The following SPAG17 variants were observed in gnomAD, a reference collection of about 807,000 sequenced individuals.
SPAG17 encodes the protein sperm-associated antigen 17.
In SPAG17, 169 loss-of-function variants were observed where a neutral mutation model predicts 273.6. That is an observed-to-expected ratio of 0.62 (90% CI 0.55 to 0.70). The LOEUF (loss-of-function observed/expected upper bound fraction) is 0.70, where lower values mean the gene tolerates loss of function less well. SPAG17 is among the 30% of genes least tolerant of loss of function. The pLI, the probability that SPAG17 is intolerant of heterozygous loss-of-function variation, is 0.00. For missense variants in SPAG17, 2,557 were observed against 2,627.8 expected (o/e 0.97, Z 0.59); for synonymous variants, 825 against 873.2 (o/e 0.94, Z 0.97).
chr1:118,129,489 C>T (rs545132371), intron 3 of SPAG17, among the ~76,000 whole-genome samples: 10 of 152,254 alleles, frequency 6.6e-5, no homozygotes, highest in South Asian at 4.2e-4. Flanking sequence ...TTCTGATATA[C>T]GCTAGATTTG....
Position 117,995,684 on chromosome 1 carries a change from A to G in SPAG17, c.5053+686T>C, listed in dbSNP as rs77173190. ...CAAAATGTATCCCAAAACACAGAAA[A>G]AAGATGAAATAACACACACACACAC... On this transcript the variant is annotated intron_variant, in intron 34 of 48. Transcript: ENST00000336338. 7.5e-3 allele frequency among the ~76,000 whole-genome samples: 1,080 copies of G among 144,618 alleles called. 14 individuals carry two copies. Among genetic ancestry groups the G allele is most frequent in the African/African-American group, 0.027 (1,016 of 38,318 alleles). 94.9% of individuals were successfully genotyped at this position (144,618 alleles called of 152,430 possible).
intron 4 of SPAG17, among the ~76,000 whole-genome samples, chr1:118,105,706 G>C (rs1385050204): frequency 6.6e-6 from 1 of 152,094 alleles, no homozygotes; most frequent in African/African-American, 2.4e-5. Context: ...TTAGAGAACA[G>C]GACATCTCAA....
rs371195732 is a variant in SPAG17 at position 118,081,382 on chromosome 1, A to G, written c.1990+33T>C. 6.6e-5 allele frequency: 107 copies of G among 1,612,024 alleles called. No individual in the cohort carries two copies. In the African/African-American group the frequency reaches 1.2e-3, roughly 18 times the overall value. The stretch of plus-strand genomic sequence containing the variant: ...AGAAAAATTGACGATCATAAAATAC[A>G]AGAATGCTTTCCATTCCCTCCATGC... On this transcript the variant is annotated intron_variant, in intron 14 of 48. Coordinates refer to ENST00000336338, the MANE Select transcript of SPAG17 (RefSeq NM_206996.4).
At chr1:118,163,745 C>A (rs1357630078) in intron 1 of SPAG17, among the ~76,000 whole-genome samples, 1 of 151,832 alleles carries the variant, frequency 6.6e-6, no homozygotes, top group Non-Finnish European at 1.5e-5. Flanking sequence ...CATAGTCAAA[C>A]TCCCCCAAAC....
chr1:118,086,376 T>C (rs1344433810), intron 12 of SPAG17, among the ~76,000 whole-genome samples: 2 of 152,190 alleles, frequency 1.3e-5, no homozygotes, highest in African/African-American at 4.8e-5. Flanking sequence ...TAGTTTTTCA[T>C]AGCAGCAGAT....
At chr1:118,133,094 C>T (rs992607533) in intron 3 of SPAG17, among the ~76,000 whole-genome samples, 3 of 152,132 alleles carry the variant, frequency 2.0e-5, no homozygotes, top group Admixed American at 6.5e-5. Flanking sequence ...TCTAACCCTT[C>T]GCTGACCACT....
In SPAG17 at chr1:118,099,618, G is replaced by C. The variant is rs983109331; in HGVS notation, c.817C>G (p.Leu273Val). 28 of 1,613,998 alleles carry C rather than the reference G, an allele frequency of 1.7e-5. No homozygotes were observed. The highest frequency in any genetic ancestry group is 2.4e-5 in the Non-Finnish European group (28 of 1,179,894). The change falls in exon 6 of 49, where the codon CTT (leucine) becomes GTT (valine). Residue 273 changes from leucine to valine, a missense_variant. By Grantham distance (32) the Leu-to-Val change is conservative. Transcript: ENST00000336338. The stretch of plus-strand genomic sequence containing the variant: ...GCAGACTGCATACCTTCTGACTGAA[G>C]AAGAACTTCCTGCTGCTGGTTAACT... ...AAVNQQQEVLLQSEDLEAEKL... is the reference protein window; with the variant it reads ...AAVNQQQEVLVQSEDLEAEKL...
At chr1:118,125,646 T>C (rs561534595) in intron 3 of SPAG17, among the ~76,000 whole-genome samples, 3 of 152,376 alleles carry the variant, frequency 2.0e-5, no homozygotes, top group Admixed American at 2.0e-4. Context: ...TGTGTCTGAC[T>C]TATTTCACTT....
At chr1:118,012,444 T>C in intron 29 of SPAG17, 72 bp from the exon 30 acceptor site, 6 of 1,514,494 alleles carry the variant, frequency 4.0e-6, no homozygotes, top group Non-Finnish European at 5.3e-6. Context: ...TTTTATCCAT[T>C]GAATACGAAG....
intron 17 of SPAG17, among the ~76,000 whole-genome samples, chr1:118,068,809 G>A (rs1211744550): frequency 6.6e-6 from 1 of 152,096 alleles, no homozygotes; most frequent in Non-Finnish European, 1.5e-5. Context: ...ATTAGAGACG[G>A]GACCTTGCTA....
At chr1:118,136,801 ATGTGTGTGTGTGTG>A (rs5777337) in intron 3 of SPAG17, among the ~76,000 whole-genome samples, 1 of 147,148 alleles carries the variant, frequency 6.8e-6, no homozygotes, top group Non-Finnish European at 1.5e-5. Context: ...GTGTGTGTGT[ATGTGTGTGTGTGTG>A]TGTGTGTGTG....
rs576652250 is a variant in SPAG17 at position 118,185,217 on chromosome 1, C to G, written c.-60G>C. 2.0e-5 allele frequency: 28 copies of G among 1,387,510 alleles called. No homozygotes were observed. In the South Asian group the frequency reaches 3.0e-4, roughly 15 times the overall value. The allele number at this position is 1,387,510 out of a possible 1,614,324, so 85.9% of individuals were successfully genotyped here. On this transcript the variant is annotated 5_prime_UTR_variant, in exon 1 of 49. Coordinates refer to ENST00000336338, the MANE Select transcript of SPAG17 (RefSeq NM_206996.4). ...GGCGCAGGCCCTGCCTAAGCGTCCC[C>G]GCTACCACAGTAACCGAAGCCACGC... is the stretch of plus-strand genomic sequence containing the variant.
At chr1:118,093,389 C>A in intron 7 of SPAG17, 72 bp from the exon 8 acceptor site, 1 of 1,425,456 alleles carries the variant, frequency 7.0e-7, no homozygotes, top group Non-Finnish European at 9.5e-7. Context: ...TGGTATATAT[C>A]TCTTAACAGT....
At chr1:118,027,030 A>T (rs985982700) in intron 26 of SPAG17, among the ~76,000 whole-genome samples, 1 of 152,236 alleles carries the variant, frequency 6.6e-6, no homozygotes, top group African/African-American at 2.4e-5. Flanking sequence ...AAACTAATAG[A>T]AAAGACAGGT....
intron 44 of SPAG17, among the ~76,000 whole-genome samples, chr1:117,972,425 A>C (rs1654665336): frequency 6.6e-6 from 1 of 152,222 alleles, no homozygotes; most frequent in Admixed American, 6.5e-5. Flanking sequence ...TTACCCCCAG[A>C]GTTTTTCATT....
In SPAG17 at chr1:118,185,136, C is replaced by T. The variant is rs1226824487; in HGVS notation, c.22G>A (p.Gly8Arg). The change falls in exon 1 of 49, where the codon GGA (glycine) becomes AGA (arginine). Residue 8 changes from glycine to arginine, a missense_variant. Gly to Arg is a moderately radical substitution (Grantham distance 125). Coordinates refer to ENST00000336338, the MANE Select transcript of SPAG17 (RefSeq NM_206996.4). ...TTAGAACTGGTGTTCACAGTTCCTCCTTTCTCCTTCTTGGGTGCCATGCAA... is the reference window on the plus strand; with the variant it reads ...TTAGAACTGGTGTTCACAGTTCCTCTTTTCTCCTTCTTGGGTGCCATGCAA... MAPKKEKGGTVNTSSKIW... is the reference protein window; with the variant it reads MAPKKEKRGTVNTSSKIW... 11 of 1,614,026 alleles carry T rather than the reference C, an allele frequency of 6.8e-6. No individual in the cohort carries two copies. Among genetic ancestry groups the T allele is most frequent in the Non-Finnish European group, 9.3e-6 (11 of 1,179,926 alleles).
In SPAG17 at chr1:117,996,663, A is replaced by G. The variant is rs1354689939; in HGVS notation, c.4857T>C (p.Tyr1619=). The G allele has an allele frequency of 6.2e-7, 1 of 1,612,764 alleles. No homozygotes were observed. The change falls in exon 33 of 49, where the codon TAT becomes TAC. Residue 1619 remains tyrosine (Y), a synonymous_variant. Transcript: ENST00000336338. ...CAAGGTGCATAGAGGACAGACTATC[A>G]TAGCCCTCAGTTTTCTCATTTAAAT... ...EDDLNEKTEG[Y]DSLSSMHLEK... is the part of the protein sequence containing the mutation.
At chr1:118,058,139 T>C (rs1397377337) in intron 18 of SPAG17, among the ~76,000 whole-genome samples, 1 of 152,220 alleles carries the variant, frequency 6.6e-6, no homozygotes, top group Non-Finnish European at 1.5e-5. Flanking sequence ...TACTTAACTT[T>C]ATTTTTAATT....
intron 24 of SPAG17, among the ~76,000 whole-genome samples, chr1:118,033,130 A>G (rs1429678269): frequency 6.6e-6 from 1 of 152,090 alleles, no homozygotes. Context: ...GATCTCATTC[A>G]CCATTGGGGC....
Sources: gnomAD v4.1 joint callset for allele counts (sites outside exome capture counted in the v4.1 genomes callset) on GRCh38, gnomAD v4.1.1 for gene constraint, MANE v1.5 for transcripts, NCBI Gene and HGNC (gene_info 2026-07-23, HGNC 2026-07-21) for gene names.